The following BORCS5 variants were observed in gnomAD, a reference collection of about 807,000 sequenced individuals.
The protein encoded by BORCS5 is BLOC-1-related complex subunit 5.
BORCS5 carries 17 observed loss-of-function variants against 22.1 expected under a neutral mutation model. That is an observed-to-expected ratio of 0.77 (90% CI 0.53 to 1.15). The LOEUF (loss-of-function observed/expected upper bound fraction) is 1.15. Ranked by LOEUF, BORCS5 falls within the 50% of genes most tolerant of loss-of-function variation. The probability of loss-of-function intolerance (pLI) is 0.00; values close to 1 mark genes in which losing one functional copy is unlikely to be tolerated. For synonymous variants in BORCS5, 117 were observed against 99.8 expected (o/e 1.17, Z -1.03); for missense variants, 247 against 253.2 (o/e 0.98, Z 0.17).
At chr12:12,416,254 T>G (rs1353732823) in intron 2 of BORCS5, among the ~76,000 whole-genome samples, 1 of 152,106 alleles carries the variant, frequency 6.6e-6, no homozygotes, top group African/African-American at 2.4e-5. Flanking sequence ...TCAATTTTGT[T>G]TATCTTTTTA....
chr12:12,461,598 T>A (rs1048521652), intron 3 of BORCS5, among the ~76,000 whole-genome samples: 17 of 152,194 alleles, frequency 1.1e-4, no homozygotes, highest in African/African-American at 4.1e-4. Context: ...CACATAAACA[T>A]CCTCATGGAC....
At chr12:12,448,851 A>T (rs928689787) in intron 3 of BORCS5, among the ~76,000 whole-genome samples, 21 of 152,120 alleles carry the variant, frequency 1.4e-4, no homozygotes, top group African/African-American at 4.8e-4. Flanking sequence ...TTAAGGTCTT[A>T]TTCTTTCATC....
chr12:12,405,390 T>C (rs968525932), intron 2 of BORCS5, among the ~76,000 whole-genome samples: 1 of 152,230 alleles, frequency 6.6e-6, no homozygotes, highest in South Asian at 2.1e-4. Flanking sequence ...GCTACTGTAT[T>C]ATCTCCCTCA....
At chr12:12,409,696 T>G (rs376212256) in intron 2 of BORCS5, among the ~76,000 whole-genome samples, 4,960 of 151,914 alleles carry the variant, frequency 0.033, 113 homozygotes, top group Middle Eastern at 0.068. Flanking sequence ...ACATACGTGT[T>G]CATGTGTCTT....
chr12:12,451,653 G>T (rs1158104224), intron 3 of BORCS5, among the ~76,000 whole-genome samples: 1 of 152,204 alleles, frequency 6.6e-6, no homozygotes, highest in African/African-American at 2.4e-5. Flanking sequence ...GGAGGCCGAG[G>T]CGGGCGGATC....
chr12:12,381,929 C>G (rs1386447374), intron 2 of BORCS5, among the ~76,000 whole-genome samples: 2 of 151,046 alleles, frequency 1.3e-5, no homozygotes, highest in Admixed American at 6.6e-5. Flanking sequence ...GTCAGTTTTT[C>G]CTTCATTTGT....
At chr12:12,440,567 G>A (rs1394749835) in intron 3 of BORCS5, among the ~76,000 whole-genome samples, 1 of 151,032 alleles carries the variant, frequency 6.6e-6, no homozygotes, top group African/African-American at 2.4e-5. Context: ...TTAAAGATTG[G>A]GATATCCTGG....
chr12:12,428,762 TTA>T (rs1289946425), intron 2 of BORCS5, among the ~76,000 whole-genome samples: 2 of 151,552 alleles, frequency 1.3e-5, no homozygotes, highest in Admixed American at 1.3e-4. Context: ...AGAAAAAAAA[TTA>T]TATAGTGAGA....
chr12:12,445,319 G>A (rs146588889), intron 3 of BORCS5, among the ~76,000 whole-genome samples: 1 of 152,198 alleles, frequency 6.6e-6, no homozygotes, highest in Non-Finnish European at 1.5e-5. Context: ...GGGATTACAG[G>A]TGCGAGTCAT....
chr12:12,440,809 C>T (rs1302248860), intron 3 of BORCS5, among the ~76,000 whole-genome samples: 1 of 152,120 alleles, frequency 6.6e-6, no homozygotes, highest in African/African-American at 2.4e-5. Context: ...CCTTAGAGAC[C>T]CTCTGGTCCA....
At chr12:12,407,785 G>A (rs1264726703) in intron 2 of BORCS5, among the ~76,000 whole-genome samples, 1 of 148,848 alleles carries the variant, frequency 6.7e-6, no homozygotes, top group African/African-American at 2.5e-5. Flanking sequence ...GGCTCACTGC[G>A]ACCTCCCTCT....
intron 2 of BORCS5, among the ~76,000 whole-genome samples, chr12:12,431,290 GT>G (rs1942417903): frequency 1.3e-5 from 2 of 150,750 alleles, no homozygotes; most frequent in African/African-American, 4.9e-5. Flanking sequence ...GTTTCAATTT[GT>G]TTTTCTTATT....
chr12:12,435,665 A>G lies in BORCS5; in HGVS notation c.240A>G (p.Lys80=), dbSNP rs1942539333. 1 of 1,613,994 alleles carries G rather than the reference A, an allele frequency of 6.2e-7. No individual in the cohort carries two copies. The highest frequency in any genetic ancestry group is 8.5e-7 in the Non-Finnish European group (1 of 1,179,958). ...LSGQTSPTNA[K]LEKLDSQQVL... ...GCCAGACTTCCCCAACAAATGCCAA[A>G]TTGGAGAAACTGGACTCTCAGCAGG... The change falls in exon 3 of 4, where the codon AAA becomes AAG. Residue 80 remains lysine (K), a synonymous_variant. Coordinates refer to ENST00000314565, the MANE Select transcript of BORCS5 (RefSeq NM_058169.6).
chr12:12,438,286 G>C (rs1299814528), intron 3 of BORCS5, among the ~76,000 whole-genome samples: 1 of 149,464 alleles, frequency 6.7e-6, no homozygotes, highest in Admixed American at 6.7e-5. Context: ...GCTTGAACCT[G>C]GGAGGTGGAG....
chr12:12,412,380 T>C (rs1210971031), intron 2 of BORCS5, among the ~76,000 whole-genome samples: 2 of 152,196 alleles, frequency 1.3e-5, no homozygotes, highest in Admixed American at 1.3e-4. Flanking sequence ...TTTTTGATGC[T>C]ATTGGAAATG....
intron 3 of BORCS5, among the ~76,000 whole-genome samples, chr12:12,464,604 C>T (rs1427600388): frequency 6.6e-6 from 1 of 151,964 alleles, no homozygotes; most frequent in Non-Finnish European, 1.5e-5. Flanking sequence ...GGGAAAGAAA[C>T]AAGGGGTGAG....
intron 2 of BORCS5, among the ~76,000 whole-genome samples, chr12:12,393,504 T>C (rs1382236348): frequency 6.6e-6 from 1 of 151,862 alleles, no homozygotes; most frequent in East Asian, 1.9e-4. Context: ...ACTTTACAGG[T>C]ACTGCTTTTA....
intron 2 of BORCS5, among the ~76,000 whole-genome samples, chr12:12,411,238 C>G (rs1941724453): frequency 6.6e-6 from 1 of 152,150 alleles, no homozygotes; most frequent in African/African-American, 2.4e-5. Context: ...CCTGATTGCC[C>G]TGGCCGGAAC....
At chr12:12,370,828 A>G (rs571885683) in intron 2 of BORCS5, among the ~76,000 whole-genome samples, 6 of 151,906 alleles carry the variant, frequency 3.9e-5, no homozygotes, top group African/African-American at 1.4e-4. Context: ...GGCTCACTGC[A>G]AGCTCTGCCT....
Sources: gnomAD v4.1 joint callset for allele counts (sites outside exome capture counted in the v4.1 genomes callset) on GRCh38, gnomAD v4.1.1 for gene constraint, MANE v1.5 for transcripts, NCBI Gene and HGNC (gene_info 2026-07-23, HGNC 2026-07-21) for gene names.